Variants in SUCLG2 observed in about 807,000 individuals in gnomAD.
SUCLG2 encodes succinate--CoA ligase [GDP-forming] subunit beta, mitochondrial.
In SUCLG2, 42 loss-of-function variants were observed where a neutral mutation model predicts 47.9. That is an observed-to-expected ratio of 0.88 (90% CI 0.69 to 1.14). The LOEUF (loss-of-function observed/expected upper bound fraction) is 1.14, where lower values mean the gene tolerates loss of function less well. Ranked by LOEUF, SUCLG2 falls within the 50% of genes most tolerant of loss-of-function variation. SUCLG2 has a pLI of 0.00. For missense variants in SUCLG2, 571 were observed against 525.9 expected, an observed-to-expected ratio of 1.09 and a Z score of -0.84; for synonymous variants, 195 against 197.3, an observed-to-expected ratio of 0.99 and a Z score of 0.10.
chr3:67,563,333 C>G (rs1314185329), intron 2 of SUCLG2, among the ~76,000 whole-genome samples: 4 of 152,078 alleles, frequency 2.6e-5, no homozygotes, highest in African/African-American at 9.7e-5. Flanking sequence ...GAACAAGGCC[C>G]GTCATGTGTA....
chr3:67,384,457 AAC>A (rs1702220412), intron 10 of SUCLG2, among the ~76,000 whole-genome samples: 1 of 152,210 alleles, frequency 6.6e-6, no homozygotes, highest in South Asian at 2.1e-4. Context: ...CTGCTGCTTC[AAC>A]ACTACAATGG....
chr3:67,650,372 T>G (rs905840615), intron 1 of SUCLG2, among the ~76,000 whole-genome samples: 8 of 152,152 alleles, frequency 5.3e-5, no homozygotes, highest in African/African-American at 1.9e-4. Flanking sequence ...GGGGCATGGG[T>G]TTAAGCAGTT....
At position 67,557,329 on chromosome 3, in the gene SUCLG2, A is replaced by C. The variant is rs563263802; in HGVS notation, c.227-28143T>G. Among the ~76,000 whole-genome samples the C allele has an allele frequency of 1.1e-4, 16 of 152,300 alleles. No individual in the cohort carries two copies. The South Asian group carries it at 1.5e-3, about 14-fold the overall frequency. ...AGAGATCGTTCTGATGTTTCTAATGAAGAGAATAACCTTTTTGCTCCTTTT... is the reference window on the plus strand; with the variant it reads ...AGAGATCGTTCTGATGTTTCTAATGCAGAGAATAACCTTTTTGCTCCTTTT... On this transcript the variant is annotated intron_variant, in intron 2 of 10. Transcript: ENST00000307227.
chr3:67,436,374 C>A (rs766615976), intron 9 of SUCLG2, among the ~76,000 whole-genome samples: 2 of 152,136 alleles, frequency 1.3e-5, no homozygotes, highest in Non-Finnish European at 2.9e-5. Flanking sequence ...AGGAGATGGG[C>A]TCAGTCATTA....
intron 10 of SUCLG2, among the ~76,000 whole-genome samples, chr3:67,361,017 CAAGT>C (rs1701796545): frequency 6.6e-6 from 1 of 152,022 alleles, no homozygotes; most frequent in Non-Finnish European, 1.5e-5. Context: ...GCAGATGAAA[CAAGT>C]AAGTGTCCTA....
chr3:67,367,869 T>C (rs1701896571), intron 10 of SUCLG2, among the ~76,000 whole-genome samples: 1 of 152,228 alleles, frequency 6.6e-6, no homozygotes, highest in Non-Finnish European at 1.5e-5. Flanking sequence ...TCCAAGTATC[T>C]AGCTATAAGA....
intron 8 of SUCLG2, 88 bp downstream of exon 8, chr3:67,498,046 C>G: frequency 7.3e-7 from 1 of 1,376,008 alleles, no homozygotes; most frequent in Non-Finnish European, 9.9e-7. Context: ...GTGCTTACTT[C>G]TTCTTGGTAA....
intron 2 of SUCLG2, among the ~76,000 whole-genome samples, chr3:67,599,064 ACT>A: frequency 6.6e-6 from 1 of 152,134 alleles, no homozygotes; most frequent in South Asian, 2.1e-4. Context: ...AGGGTATACA[ACT>A]CTGCTAAACC....
chr3:67,364,993 T>C (rs2106741886), intron 10 of SUCLG2, among the ~76,000 whole-genome samples: 1 of 152,176 alleles, frequency 6.6e-6, no homozygotes, highest in Non-Finnish European at 1.5e-5. Context: ...AGTTTATAAC[T>C]GAAAAATACA....
At chr3:67,594,076 T>C (rs888562207) in intron 2 of SUCLG2, among the ~76,000 whole-genome samples, 1 of 152,162 alleles carries the variant, frequency 6.6e-6, no homozygotes, top group East Asian at 1.9e-4. Context: ...GAGAGGCACG[T>C]GGTACAGGCC....
rs552665795 is a variant in SUCLG2, at chr3:67,653,167, C to A, written c.84+1336G>T. ...ATTCATGAGTTTTCACTGCCCTGGG[C>A]CCCATGTTTCTCATCAATTCAAGTC... On this transcript the variant is annotated intron_variant, in intron 1 of 10. Coordinates refer to ENST00000307227, the MANE Select transcript of SUCLG2 (RefSeq NM_003848.4). Among the ~76,000 whole-genome samples the A allele has an allele frequency of 3.3e-5, 5 of 152,200 alleles. 1 individual carries two copies. The South Asian group carries it at 1.0e-3, about 32-fold the overall frequency.
chr3:67,474,802 G>C (rs1704703332), intron 9 of SUCLG2, among the ~76,000 whole-genome samples: 1 of 152,104 alleles, frequency 6.6e-6, no homozygotes, highest in South Asian at 2.1e-4. Flanking sequence ...TTAAACTCCA[G>C]AGATTTCTCT....
At chr3:67,550,597 G>A (rs1706986678) in intron 2 of SUCLG2, among the ~76,000 whole-genome samples, 2 of 152,128 alleles carry the variant, frequency 1.3e-5, no homozygotes, top group South Asian at 2.1e-4. Context: ...CCCAAGTGCT[G>A]GGGTTATAGG....
chr3:67,496,428 T>C (rs192200555), intron 8 of SUCLG2, among the ~76,000 whole-genome samples: 2 of 118,896 alleles, frequency 1.7e-5, no homozygotes, highest in Admixed American at 1.9e-4. Flanking sequence ...CCTTTGAATG[T>C]GGCATCTGTG....
intron 10 of SUCLG2, among the ~76,000 whole-genome samples, chr3:67,378,810 G>T (rs1702089340): frequency 6.6e-6 from 1 of 151,998 alleles, no homozygotes; most frequent in South Asian, 2.1e-4. Context: ...GACTGTGGCA[G>T]GTGTTAGATA....
chr3:67,443,966 G>C (rs1216589033), intron 9 of SUCLG2, among the ~76,000 whole-genome samples: 2 of 119,690 alleles, frequency 1.7e-5, no homozygotes, highest in Non-Finnish European at 3.8e-5. Flanking sequence ...AGGTGGGGGG[G>C]GGTCAGCCCC....
At chr3:67,361,280 T>C (rs2106737604) in intron 10 of SUCLG2, among the ~76,000 whole-genome samples, 1 of 152,310 alleles carries the variant, frequency 6.6e-6, no homozygotes, top group Middle Eastern at 3.4e-3. Flanking sequence ...GATGTGTAAC[T>C]ATATCAAAGG....
chr3:67,576,543 A>C (rs558882814), intron 2 of SUCLG2, among the ~76,000 whole-genome samples: 28 of 152,356 alleles, frequency 1.8e-4, no homozygotes, highest in Non-Finnish European at 1.5e-5. Flanking sequence ...AATATATTTA[A>C]ATTTCCAGAG....
chr3:67,623,223 G>A (rs1381029195), intron 1 of SUCLG2, among the ~76,000 whole-genome samples: 3 of 152,192 alleles, frequency 2.0e-5, no homozygotes, highest in African/African-American at 7.2e-5. Flanking sequence ...AATTGCGGCT[G>A]GGCGTGGTGG....
Sources: gnomAD v4.1 joint callset for allele counts (sites outside exome capture counted in the v4.1 genomes callset) on GRCh38, gnomAD v4.1.1 for gene constraint, MANE v1.5 for transcripts, NCBI Gene and HGNC (gene_info 2026-07-23, HGNC 2026-07-21) for gene names.